SRD5A1: variants seen among roughly 807,000 people sequenced by gnomAD.
The protein encoded by SRD5A1 is 3-oxo-5-alpha-steroid 4-dehydrogenase 1.
Under a neutral mutation model 28.2 loss-of-function variants are expected in SRD5A1, and 22 were observed. That is an observed-to-expected ratio of 0.78 (90% CI 0.56 to 1.12). The LOEUF (loss-of-function observed/expected upper bound fraction) is 1.12. SRD5A1 is among the 50% of genes most tolerant of loss of function. The pLI is 0.00. For missense variants in SRD5A1, 300 were observed against 346.7 expected, an observed-to-expected ratio of 0.87 and a Z score of 1.07; for synonymous variants, 151 against 135.0, an observed-to-expected ratio of 1.12 and a Z score of -0.82.
In SRD5A1 at chr5:6,669,771, G is replaced by C. The variant is rs1007019641; in HGVS notation, c.*1503G>C. ...AGCTTCCAGTTAAATCTGATGAGCTGAACATACACCTTTCCTTCTCCCCTC... is the reference window on the plus strand; with the variant it reads ...AGCTTCCAGTTAAATCTGATGAGCTCAACATACACCTTTCCTTCTCCCCTC... On this transcript the variant is annotated 3_prime_UTR_variant, in exon 5 of 5. Coordinates refer to ENST00000274192, the MANE Select transcript of SRD5A1 (RefSeq NM_001047.4). The C allele has an allele frequency of 6.6e-6, 1 of 152,210 alleles. No individual in the cohort carries two copies. The highest frequency in any genetic ancestry group is 2.4e-5 in the African/African-American group (1 of 41,440). The allele number at this position is 152,210 out of a possible 1,614,324, so 9.4% of individuals were successfully genotyped here.
intron 3 of SRD5A1, among the ~76,000 whole-genome samples, chr5:6,659,907 T>TA (rs1206101628): frequency 6.6e-6 from 1 of 152,192 alleles, no homozygotes; most frequent in Non-Finnish European, 1.5e-5. Flanking sequence ...TGCAGACTCT[T>TA]AATTTTGCAG....
At chr5:6,638,638 A>T (rs1259787382) in intron 1 of SRD5A1, among the ~76,000 whole-genome samples, 1 of 152,256 alleles carries the variant, frequency 6.6e-6, no homozygotes, top group East Asian at 1.9e-4. Flanking sequence ...AATTTGTTTT[A>T]ATAAGGGCAT....
At chr5:6,637,667 C>T (rs1229388242) in intron 1 of SRD5A1, among the ~76,000 whole-genome samples, 1 of 152,202 alleles carries the variant, frequency 6.6e-6, no homozygotes, top group African/African-American at 2.4e-5. Flanking sequence ...CAAATAACTC[C>T]GAGGAGCCTG....
At chr5:6,650,244 C>CA (rs1203606102) in intron 1 of SRD5A1, among the ~76,000 whole-genome samples, 3 of 151,398 alleles carry the variant, frequency 2.0e-5, no homozygotes, top group South Asian at 4.2e-4. Flanking sequence ...CCTGTCTCTA[C>CA]AAAAAAAAGT....
rs1413074764 is a variant in SRD5A1 at position 6,651,948 on chromosome 5, T to C, written c.400T>C (p.Tyr134His). 1 of 1,614,198 alleles carries C rather than the reference T, an allele frequency of 6.2e-7. No individual in the cohort carries two copies. Among genetic ancestry groups the C allele is most frequent in the Non-Finnish European group, 8.5e-7 (1 of 1,180,010 alleles). The change falls in exon 2 of 5, where the codon TAC becomes CAC. Residue 134 changes from tyrosine to histidine, a missense_variant. Coordinates refer to ENST00000274192, the MANE Select transcript of SRD5A1 (RefSeq NM_001047.4). ...CTGTAACGGCTATTTGCAAAGCAGA[T>C]ACTTGAGCCATTGTGCAGTGTATGC... ...CTCNGYLQSRYLSHCAVYADD... is the reference protein window; with the variant it reads ...CTCNGYLQSRHLSHCAVYADD...
intron 3 of SRD5A1, 113 bp from the exon 4 acceptor site, chr5:6,662,703 A>G (rs1265592552): frequency 1.7e-6 from 2 of 1,167,828 alleles, no homozygotes; most frequent in Admixed American, 2.1e-5. Context: ...CTGTAAGGAT[A>G]ATATTTTTCC....
intron 3 of SRD5A1, among the ~76,000 whole-genome samples, chr5:6,660,866 A>G (rs1738979291): frequency 1.3e-5 from 2 of 152,212 alleles, no homozygotes; most frequent in South Asian, 2.1e-4. Flanking sequence ...ACTTACAATC[A>G]TGGCAGAAGG....
chr5:6,663,207 T>G (rs938072452), intron 4 of SRD5A1, among the ~76,000 whole-genome samples: 3 of 152,228 alleles, frequency 2.0e-5, no homozygotes, highest in African/African-American at 7.2e-5. Context: ...TTGACAGTGC[T>G]GAATTCAGTG....
chr5:6,651,656 T>A (rs1429000781), intron 1 of SRD5A1, among the ~76,000 whole-genome samples, 186 bp from the exon 2 acceptor site: 1 of 152,116 alleles, frequency 6.6e-6, no homozygotes, highest in Non-Finnish European at 1.5e-5. Flanking sequence ...CAAGAACCTG[T>A]CTCAAAAAAT....
At chr5:6,665,316 G>A (rs1739133963) in intron 4 of SRD5A1, among the ~76,000 whole-genome samples, 1 of 152,194 alleles carries the variant, frequency 6.6e-6, no homozygotes, top group African/African-American at 2.4e-5. Flanking sequence ...GAGAATCAGT[G>A]GCCGTTATTA....
At chr5:6,664,728 G>A (rs1739110310) in intron 4 of SRD5A1, among the ~76,000 whole-genome samples, 2 of 152,256 alleles carry the variant, frequency 1.3e-5, no homozygotes, top group South Asian at 4.1e-4. Context: ...ACTTGAAGAA[G>A]TGATAGCATA....
At chr5:6,641,775 G>T (rs867964206) in intron 1 of SRD5A1, among the ~76,000 whole-genome samples, 1 of 152,230 alleles carries the variant, frequency 6.6e-6, no homozygotes, top group African/African-American at 2.4e-5. Flanking sequence ...TCCAGGGCAT[G>T]TGCTAGAGCA....
intron 1 of SRD5A1, among the ~76,000 whole-genome samples, chr5:6,651,305 A>G (rs1314240644): frequency 6.6e-6 from 1 of 152,190 alleles, no homozygotes; most frequent in Non-Finnish European, 1.5e-5. Flanking sequence ...ATGTAAGTAG[A>G]ATCTGGAGTT....
At chr5:6,663,980 G>T (rs1220318637) in intron 4 of SRD5A1, among the ~76,000 whole-genome samples, 1 of 152,172 alleles carries the variant, frequency 6.6e-6, no homozygotes. Flanking sequence ...TCTGAGGCCA[G>T]CCAGGAGCCC....
Position 6,669,613 on chromosome 5 carries a change from T to A in SRD5A1, c.*1345T>A, listed in dbSNP as rs1213417334. 2 of 152,254 alleles carry A rather than the reference T, an allele frequency of 1.3e-5. No individual in the cohort carries two copies. Among genetic ancestry groups the A allele is most frequent in the East Asian group, 3.8e-4 (2 of 5,202 alleles). 9.4% of individuals were successfully genotyped at this position (152,254 alleles called of 1,614,324 possible). On this transcript the variant is annotated 3_prime_UTR_variant, in exon 5 of 5. Transcript: ENST00000274192. ...ATTGTTACATCGAAACATTCTTTCATCATATTTCCTGTTTTTATTTGGTTT... is the reference window on the plus strand; with the variant it reads ...ATTGTTACATCGAAACATTCTTTCAACATATTTCCTGTTTTTATTTGGTTT...
In SRD5A1 at chr5:6,673,538, G is replaced by A. The variant is rs184021870; in HGVS notation, c.*5270G>A. 15 of 152,318 alleles carry A rather than the reference G, an allele frequency of 9.8e-5. No homozygotes were observed. In the East Asian group the frequency reaches 2.9e-3, roughly 29 times the overall value. 9.4% of individuals were successfully genotyped at this position (152,318 alleles called of 1,614,324 possible). The stretch of plus-strand genomic sequence containing the variant: ...GACAGTCTGGCAGATTCCTAAAAAG[G>A]TAAACATACTCTTACTAAACAATCT... On this transcript the variant is annotated 3_prime_UTR_variant, in exon 5 of 5. Coordinates refer to ENST00000274192, the MANE Select transcript of SRD5A1 (RefSeq NM_001047.4).
At chr5:6,646,208 T>G (rs1455806033) in intron 1 of SRD5A1, among the ~76,000 whole-genome samples, 1 of 152,226 alleles carries the variant, frequency 6.6e-6, no homozygotes, top group Non-Finnish European at 1.5e-5. Flanking sequence ...TATTCCATGG[T>G]GTATATGTGC....
At chr5:6,664,173 C>G (rs529085641) in intron 4 of SRD5A1, among the ~76,000 whole-genome samples, 1 of 152,310 alleles carries the variant, frequency 6.6e-6, no homozygotes, top group South Asian at 2.1e-4. Flanking sequence ...ATCGAAATCT[C>G]CAATGCTGCT....
intron 3 of SRD5A1, among the ~76,000 whole-genome samples, chr5:6,657,435 G>T (rs1038887767): frequency 2.0e-5 from 3 of 152,218 alleles, no homozygotes; most frequent in Non-Finnish European, 4.4e-5. Context: ...ACAGTGGCTG[G>T]GAGAGCACAG....
Sources: gnomAD v4.1 joint callset for allele counts (sites outside exome capture counted in the v4.1 genomes callset) on GRCh38, gnomAD v4.1.1 for gene constraint, MANE v1.5 for transcripts, NCBI Gene and HGNC (gene_info 2026-07-23, HGNC 2026-07-21) for gene names.